Variants in CRYM observed in about 807,000 individuals in gnomAD.
CRYM encodes the protein crystallin mu, also known as ketimine reductase mu-crystallin.
CRYM carries 18 observed loss-of-function variants against 32.9 expected under a neutral mutation model. The observed-to-expected ratio is 0.55, with a 90% CI of 0.38 to 0.81. The LOEUF is 0.81. Among genes scored for constraint, CRYM ranks in the 30% least tolerant of loss-of-function variants. The pLI is 0.00. For missense variants in CRYM, 337 were observed against 393.5 expected, an observed-to-expected ratio of 0.86 and a Z score of 1.21; for synonymous variants, 153 against 152.4, an observed-to-expected ratio of 1.00 and a Z score of -0.03.
At chr16:21,282,385 C>A (rs2093399727), upstream of CRYM, among the ~76,000 whole-genome samples, 1 of 151,950 alleles carries the variant, frequency 6.6e-6, no homozygotes, top group African/African-American at 2.4e-5. Context: ...CAGGCTGTAA[C>A]CTCGTATAAG....
chr16:21,276,319 C>A (rs533400140), intron 2 of CRYM, among the ~76,000 whole-genome samples: 2 of 152,112 alleles, frequency 1.3e-5, no homozygotes, highest in African/African-American at 2.4e-5. Flanking sequence ...GGTTCTACCC[C>A]CCTAGGGAAC....
intron 4 of CRYM, chr16:21,268,826 T>C (rs936596501): frequency 1.3e-5 from 2 of 152,120 alleles, no homozygotes; most frequent in African/African-American, 4.8e-5. Context: ...AAGGGCATTT[T>C]TCTTTTGTTT....
chr16:21,302,144 A>G (rs1332385632), intron 1 of CRYM, among the ~76,000 whole-genome samples: 1 of 152,250 alleles, frequency 6.6e-6, no homozygotes, highest in East Asian at 1.9e-4. Context: ...TATATTGGCT[A>G]TGCAAAGTGC....
At chr16:21,283,042 C>T (rs886130586), upstream of CRYM, among the ~76,000 whole-genome samples, 15 of 152,070 alleles carry the variant, frequency 9.9e-5, no homozygotes, top group Non-Finnish European at 1.8e-4. Context: ...CTCTTTTCCC[C>T]GCCCTTCCCT....
rs2093366688 is a variant in CRYM, at chr16:21,267,619, G to A, written c.608C>T (p.Thr203Ile). Residue 203 changes from threonine to isoleucine, a missense_variant, in exon 5 of 8, where the codon ACA becomes ATA. Thr to Ile is a moderately conservative substitution (Grantham distance 89). Coordinates refer to ENST00000572914, the MANE Select transcript of CRYM (RefSeq NM_001376256.1). Reference sequence around the variant, plus strand: ...AATGGGCTCTGTTGCCAGGGTGACTGTGATGATCACATCTGCACCTGCCAC... The same window carrying A: ...AATGGGCTCTGTTGCCAGGGTGACTATGATGATCACATCTGCACCTGCCAC... ...EAVAGADVII[T>I]VTLATEPILF... is the part of the protein sequence containing the mutation. 6 of 1,614,206 alleles carry A rather than the reference G, an allele frequency of 3.7e-6. No individual in the cohort carries two copies. Among genetic ancestry groups the A allele is most frequent in the Non-Finnish European group, 5.1e-6 (6 of 1,180,024 alleles).
At chr16:21,279,346 C>T (rs1416575988), upstream of CRYM, among the ~76,000 whole-genome samples, 1 of 152,196 alleles carries the variant, frequency 6.6e-6, no homozygotes, top group Non-Finnish European at 1.5e-5. Context: ...AGCAGAGGAG[C>T]TGGCTTTGCC....
chr16:21,293,750 C>G (rs779605045), intron 1 of CRYM, among the ~76,000 whole-genome samples: 2 of 152,116 alleles, frequency 1.3e-5, no homozygotes, highest in African/African-American at 2.4e-5. Flanking sequence ...GTTAAAGAAA[C>G]TGCACTTCAC....
intron 1 of CRYM, among the ~76,000 whole-genome samples, chr16:21,287,984 T>G (rs1233163602): frequency 6.6e-6 from 1 of 152,226 alleles, no homozygotes; most frequent in Non-Finnish European, 1.5e-5. Flanking sequence ...GCGGGTGCAA[T>G]CTTGTGGGAT....
chr16:21,287,281 G>A (rs190682655), intron 1 of CRYM, among the ~76,000 whole-genome samples: 60 of 152,238 alleles, frequency 3.9e-4, no homozygotes, highest in Middle Eastern at 3.4e-3. Flanking sequence ...TTGTTAGAGA[G>A]GAAATTGTTT....
rs1404520554 is a variant in CRYM at position 21,278,070 on chromosome 16, C to T, written c.170+12G>A. 5.2e-6 allele frequency: 8 copies of T among 1,541,466 alleles called. No individual in the cohort carries two copies. In the Admixed American group the frequency reaches 1.4e-4, roughly 26 times the overall value. On this transcript the variant is annotated intron_variant, in intron 1 of 7. Coordinates refer to ENST00000572914, the MANE Select transcript of CRYM (RefSeq NM_001376256.1). The stretch of plus-strand genomic sequence containing the variant: ...GTTTCTCCTGCCCCTGACCCCGACC[C>T]TCCTCACTCACCCCCTGTGCTTGGT...
chr16:21,286,253 T>C (rs2093407028), intron 1 of CRYM, among the ~76,000 whole-genome samples: 1 of 151,626 alleles, frequency 6.6e-6, no homozygotes, highest in Admixed American at 6.6e-5. Context: ...AGTCTCACTC[T>C]ATCGCCCAGG....
At chr16:21,260,585 C>A (rs1400879463) in intron 7 of CRYM, among the ~76,000 whole-genome samples, 2 of 152,206 alleles carry the variant, frequency 1.3e-5, no homozygotes, top group African/African-American at 2.4e-5. Flanking sequence ...CAGGCGTGAG[C>A]CACCGAGCTC....
At chr16:21,279,700 G>T (rs2093394815), upstream of CRYM, among the ~76,000 whole-genome samples, 1 of 152,226 alleles carries the variant, frequency 6.6e-6, no homozygotes, top group Admixed American at 6.5e-5. Context: ...AGGTCAAGAG[G>T]CAGGACTGCT....
At chr16:21,301,869 G>C (rs1960950613) in intron 1 of CRYM, among the ~76,000 whole-genome samples, 1 of 152,194 alleles carries the variant, frequency 6.6e-6, no homozygotes. Context: ...AGGCGGAGGC[G>C]GCAGCGGCGA....
At chr16:21,297,629 T>C (rs1960815760) in intron 1 of CRYM, among the ~76,000 whole-genome samples, 1 of 152,202 alleles carries the variant, frequency 6.6e-6, no homozygotes, top group African/African-American at 2.4e-5. Context: ...TAAAAATGCA[T>C]AAATGTTTCT....
At chr16:21,296,043 A>G (rs1003867129) in intron 1 of CRYM, among the ~76,000 whole-genome samples, 4 of 152,254 alleles carry the variant, frequency 2.6e-5, no homozygotes, top group Non-Finnish European at 5.9e-5. Flanking sequence ...TTAAAAGATT[A>G]TAATTGAACT....
intron 1 of CRYM, among the ~76,000 whole-genome samples, chr16:21,284,770 G>A (rs2093404782): frequency 6.6e-6 from 1 of 152,160 alleles, no homozygotes. Context: ...TTAGTAGAAT[G>A]ATTTATTTTC....
Position 21,277,596 on chromosome 16 carries a change from G to A in CRYM, c.171-12C>T. 6.2e-7 allele frequency: 1 copy of A among 1,613,422 alleles called. No homozygotes were observed. Among genetic ancestry groups the A allele is most frequent in the Non-Finnish European group, 8.5e-7 (1 of 1,179,980 alleles). On this transcript the variant is annotated splice_polypyrimidine_tract_variant and intron_variant, in intron 1 of 7. Coordinates refer to ENST00000572914, the MANE Select transcript of CRYM (RefSeq NM_001376256.1). The surrounding 1 kb of genome is among the most constrained non-coding windows in gnomAD (Gnocchi z 4.2). ...TGACCCCCAGGTAGCTACAAGGAGAGAGGGAGCAGCTTCAGCCCCTTCCCA... is the reference window on the plus strand; with the variant it reads ...TGACCCCCAGGTAGCTACAAGGAGAAAGGGAGCAGCTTCAGCCCCTTCCCA...
chr16:21,285,082 A>C (rs1052909469), intron 1 of CRYM, among the ~76,000 whole-genome samples: 1 of 152,094 alleles, frequency 6.6e-6, no homozygotes, highest in African/African-American at 2.4e-5. Context: ...CTTTTGAGAA[A>C]TGTTTGTTCC....
Sources: gnomAD v4.1 joint callset for allele counts (sites outside exome capture counted in the v4.1 genomes callset) on GRCh38, gnomAD v4.1.1 for gene constraint, Gnocchi (gnomAD v3.1) non-coding constraint, MANE v1.5 for transcripts, NCBI Gene and HGNC (gene_info 2026-07-23, HGNC 2026-07-21) for gene names.